Variants in RSAD2 observed in about 807,000 individuals in gnomAD.
RSAD2 encodes radical S-adenosyl methionine domain containing 2.
A neutral mutation model predicts 37.7 loss-of-function variants in RSAD2; 38 were observed. That is an observed-to-expected ratio of 1.01 (90% CI 0.78 to 1.32). RSAD2 has a LOEUF of 1.32. RSAD2 is among the 40% of genes most tolerant of loss of function. The pLI is 0.00. For missense variants in RSAD2, 428 were observed against 437.5 expected (o/e 0.98, Z 0.19); for synonymous variants, 163 against 157.4 (o/e 1.04, Z -0.27).
chr2:6,892,141 C>T (rs1663647587), intron 4 of RSAD2, among the ~76,000 whole-genome samples: 1 of 152,058 alleles, frequency 6.6e-6, no homozygotes, highest in African/African-American at 2.4e-5. Flanking sequence ...CTCCATCTGC[C>T]ATCCAAAAAT....
chr2:6,866,079 G>A, intron 1 of RSAD2: 1 of 266,760 alleles, frequency 3.7e-6, no homozygotes, highest in East Asian at 1.3e-4. Flanking sequence ...GTGGCTGGCG[G>A]CCCCGACCCT....
Position 6,897,861 on chromosome 2 carries a change from G to T in RSAD2, c.*1919G>T, listed in dbSNP as rs1274232693. On this transcript the variant is annotated 3_prime_UTR_variant, in exon 6 of 6. Transcript: ENST00000382040. ...AAAATACAAAAATTAGCCAGGCATG[G>T]TGGCGTACACTTGTAATTCCAGCTA... is the stretch of plus-strand genomic sequence containing the variant. The T allele has an allele frequency of 6.6e-6, 1 of 152,108 alleles. No individual in the cohort carries two copies. Among genetic ancestry groups the T allele is most frequent in the Non-Finnish European group, 1.5e-5 (1 of 68,050 alleles). The allele number at this position is 152,108 out of a possible 1,614,324, so 9.4% of individuals were successfully genotyped here. A position where few individuals can be genotyped will look rare whatever the true frequency, so the allele number is the denominator to read the frequency against.
chr2:6,868,171 GA>G (rs1347368188), intron 1 of RSAD2, among the ~76,000 whole-genome samples: 2 of 152,060 alleles, frequency 1.3e-5, no homozygotes, highest in Admixed American at 1.3e-4. Context: ...AAGAGAAAAT[GA>G]AACTTTTCTA....
At chr2:6,878,222 G>A in intron 1 of RSAD2, 76 bp downstream of exon 1, 2 of 1,240,724 alleles carry the variant, frequency 1.6e-6, no homozygotes. Context: ...GGGGCTGGGG[G>A]TATGCACAAG....
intron 2 of RSAD2, 50 bp from the exon 3 acceptor site, chr2:6,886,885 G>T: frequency 7.1e-7 from 1 of 1,408,666 alleles, no homozygotes; most frequent in Non-Finnish European, 1.0e-6. Flanking sequence ...AATAGCCCAA[G>T]GGGCTTGGTC....
rs1287471386 is a variant in RSAD2 at position 6,886,798 on chromosome 2, TC to T, written c.509-136del. ...ACAAGAAGAAAGTAAAATTCATATC[TC>T]AATGAGTTTTGTGGGTATAAGGAAA... On this transcript the variant is annotated intron_variant, in intron 2 of 5. Coordinates refer to ENST00000382040, the MANE Select transcript of RSAD2 (RefSeq NM_080657.5). 5 of 616,352 alleles carry T rather than the reference TC, an allele frequency of 8.1e-6. No individual in the cohort carries two copies. The Admixed American group carries it at 8.9e-5, about 11-fold the overall frequency. 38.2% of individuals were successfully genotyped at this position (616,352 alleles called of 1,614,324 possible).
At chr2:6,890,044 C>G in intron 3 of RSAD2, 132 bp from the exon 4 acceptor site, 1 of 771,776 alleles carries the variant, frequency 1.3e-6, no homozygotes, top group East Asian at 2.6e-5. Context: ...AAAGTAATAT[C>G]TTTCTAGAAT....
intron 2 of RSAD2, among the ~76,000 whole-genome samples, chr2:6,884,294 A>T (rs1663473073): frequency 1.3e-5 from 2 of 152,026 alleles, no homozygotes; most frequent in South Asian, 4.2e-4. Flanking sequence ...GACGCTGTGG[A>T]TGTGGGTTGG....
rs965260245 is a variant in RSAD2, at chr2:6,883,606, C to T, written c.508+74C>T. On this transcript the variant is annotated intron_variant, in intron 2 of 5. Coordinates refer to ENST00000382040, the MANE Select transcript of RSAD2 (RefSeq NM_080657.5). ...TGTTGGTTCTTATATTTCCTTCCCT[C>T]CTGGGCCTTCAGCCAGGCCTGCTGA... The T allele has an allele frequency of 5.8e-6, 9 of 1,550,154 alleles. No individual in the cohort carries two copies. The Middle Eastern group carries it at 5.1e-4, about 88-fold the overall frequency.
intron 1 of RSAD2, among the ~76,000 whole-genome samples, chr2:6,870,704 G>T (rs899435555): frequency 6.6e-6 from 1 of 152,182 alleles, no homozygotes; most frequent in Non-Finnish European, 1.5e-5. Context: ...CCATCCAGAC[G>T]CTGGAGAGGA....
chr2:6,880,576 G>A (rs1282331708), intron 1 of RSAD2, among the ~76,000 whole-genome samples: 7 of 152,144 alleles, frequency 4.6e-5, no homozygotes, highest in Non-Finnish European at 7.3e-5. Context: ...TGACAGTGAA[G>A]TTTGGCAGTT....
chr2:6,870,001 A>G (rs1270737714), intron 1 of RSAD2, among the ~76,000 whole-genome samples: 2 of 152,206 alleles, frequency 1.3e-5, no homozygotes, highest in Non-Finnish European at 2.9e-5. Context: ...GTATAAAACA[A>G]TCAGGATGCA....
chr2:6,870,916 T>C (rs774563527), intron 1 of RSAD2, among the ~76,000 whole-genome samples: 18 of 152,220 alleles, frequency 1.2e-4, no homozygotes, highest in Non-Finnish European at 2.2e-4. Context: ...GCCAAAATTA[T>C]GGTTTGAGGT....
chr2:6,877,806 G>T lies in RSAD2; in HGVS notation c.6G>T (p.Trp2Cys). 1.9e-6 allele frequency: 3 copies of T among 1,613,030 alleles called. No homozygotes were observed. The highest frequency in any genetic ancestry group is 2.5e-6 in the Non-Finnish European group (3 of 1,179,418). The change falls in exon 1 of 6, where the codon TGG becomes TGT. Residue 2 changes from tryptophan (W) to cysteine (C), a missense_variant. Trp to Cys is a radical substitution (Grantham distance 215). Transcript: ENST00000382040. ...TGCTCCAGGCATCTGCCACAATGTGGGTGCTTACACCTGCTGCTTTTGCTG... is the reference window on the plus strand; with the variant it reads ...TGCTCCAGGCATCTGCCACAATGTGTGTGCTTACACCTGCTGCTTTTGCTG... M[W>C]VLTPAAFAGK...
chr2:6,869,600 C>T (rs1355286197), intron 1 of RSAD2, among the ~76,000 whole-genome samples: 1 of 152,130 alleles, frequency 6.6e-6, no homozygotes, highest in Admixed American at 6.5e-5. Flanking sequence ...TGAATTTCTA[C>T]AAATTAATGA....
Position 6,883,466 on chromosome 2 carries a change from C to A in RSAD2, c.442C>A (p.Arg148=). ...KLVRFCKVEL[R]LPSVSIVSNG... ...GGTGAGGTTCTGCAAAGTAGAGTTG[C>A]GGCTGCCCAGCGTGAGCATCGTGAG... Residue 148 remains arginine (R), a synonymous_variant, in exon 2 of 6, where the codon CGG becomes AGG. Coordinates refer to ENST00000382040, the MANE Select transcript of RSAD2 (RefSeq NM_080657.5). 6 of 1,614,120 alleles carry A rather than the reference C, an allele frequency of 3.7e-6. No individual in the cohort carries two copies. The highest frequency in any genetic ancestry group is 5.1e-6 in the Non-Finnish European group (6 of 1,180,020).
chr2:6,885,503 G>A (rs567172350), intron 2 of RSAD2, among the ~76,000 whole-genome samples: 1 of 152,262 alleles, frequency 6.6e-6, no homozygotes, highest in African/African-American at 2.4e-5. Context: ...GAATATTGTA[G>A]CTACCATATG....
intron 5 of RSAD2, among the ~76,000 whole-genome samples, chr2:6,895,173 C>A (rs1341785246): frequency 1.3e-5 from 2 of 152,142 alleles, no homozygotes; most frequent in South Asian, 2.1e-4. Context: ...AAACAAAGAG[C>A]CTTCGCAGGT....
At chr2:6,893,786 C>G (rs1262946361) in intron 5 of RSAD2, 83 bp downstream of exon 5, 3 of 911,660 alleles carry the variant, frequency 3.3e-6, no homozygotes, top group Non-Finnish European at 5.3e-6. Context: ...ATGAGCATAA[C>G]TATCTAGTAC....
Sources: gnomAD v4.1 joint callset for allele counts (sites outside exome capture counted in the v4.1 genomes callset) on GRCh38, gnomAD v4.1.1 for gene constraint, MANE v1.5 for transcripts, NCBI Gene and HGNC (gene_info 2026-07-23, HGNC 2026-07-21) for gene names.